SULF2: variants seen among roughly 807,000 people sequenced by gnomAD.
SULF2 encodes sulfatase 2, also known as extracellular sulfatase Sulf-2.
In SULF2, 52 loss-of-function variants were observed where a neutral mutation model predicts 107.7. The observed-to-expected ratio is 0.48, with a 90% CI of 0.39 to 0.61. The LOEUF (loss-of-function observed/expected upper bound fraction) is 0.61, where lower values mean the gene tolerates loss of function less well. Among genes scored for constraint, SULF2 ranks in the 20% least tolerant of loss-of-function variants. SULF2 has a pLI of 0.00. For synonymous variants in SULF2, 460 were observed against 464.3 expected (o/e 0.99, Z 0.12); for missense variants, 993 against 1,177.3 (o/e 0.84, Z 2.29).
At chr20:47,703,437 T>A (rs956960975) in intron 3 of SULF2, among the ~76,000 whole-genome samples, 1 of 152,176 alleles carries the variant, frequency 6.6e-6, no homozygotes, top group Non-Finnish European at 1.5e-5. Context: ...TTTTTTCCCA[T>A]TGAAGTTTGT....
intron 11 of SULF2, among the ~76,000 whole-genome samples, chr20:47,667,132 T>C (rs1486073359): frequency 1.3e-5 from 2 of 152,204 alleles, no homozygotes; most frequent in Non-Finnish European, 2.9e-5. Context: ...TTTGATGTTA[T>C]CTGAACTTCA....
chr20:47,746,497 G>C (rs2090038452), intron 2 of SULF2, among the ~76,000 whole-genome samples: 1 of 152,218 alleles, frequency 6.6e-6, no homozygotes, highest in South Asian at 2.1e-4. Flanking sequence ...GGATCAGCTT[G>C]TGAGCTCCCT....
At chr20:47,769,047 ATT>A (rs3092113) in intron 1 of SULF2, among the ~76,000 whole-genome samples, 4 of 148,868 alleles carry the variant, frequency 2.7e-5, no homozygotes, top group Admixed American at 6.7e-5. Context: ...TGCCTGCCTC[ATT>A]TTTTTTTTGA....
At chr20:47,730,181 AGGCTCCAACT>A (rs2089556106) in intron 3 of SULF2, among the ~76,000 whole-genome samples, 1 of 152,210 alleles carries the variant, frequency 6.6e-6, no homozygotes, top group Non-Finnish European at 1.5e-5. Context: ...ACCCCAAAAC[AGGCTCCAACT>A]GAGAGCCCTG....
intron 1 of SULF2, among the ~76,000 whole-genome samples, chr20:47,782,305 C>A (rs193221769): frequency 6.6e-6 from 1 of 152,348 alleles, no homozygotes; most frequent in Non-Finnish European, 1.5e-5. Flanking sequence ...CTAGCAACCA[C>A]CCCAATTAGG....
intron 11 of SULF2, among the ~76,000 whole-genome samples, chr20:47,669,406 G>GC (rs1211376578): frequency 6.6e-6 from 1 of 152,168 alleles, no homozygotes; most frequent in Non-Finnish European, 1.5e-5. Context: ...CCTGTGCGTT[G>GC]CAAGATGTTT....
In SULF2 at chr20:47,685,329, A is replaced by G. The variant is rs374812053; in HGVS notation, c.738-748T>C. ...CAACCTCCACCTCCCAGTATGAGTG[A>G]TTCTCCCGCCTCAGCCTCCCAAGTA... On this transcript the variant is annotated intron_variant, in intron 5 of 20. Transcript: ENST00000688720. 37 of 151,838 alleles carry G rather than the reference A, an allele frequency of 2.4e-4. 1 individual carries two copies. Among genetic ancestry groups the G allele is most frequent in the African/African-American group, 7.7e-4 (32 of 41,330 alleles). 9.4% of individuals were successfully genotyped at this position (151,838 alleles called of 1,614,324 possible). A position where few individuals can be genotyped will look rare whatever the true frequency, so the allele number is the denominator to read the frequency against.
chr20:47,663,463 AG>A lies in SULF2; in HGVS notation c.2216del (p.Pro739LeufsTer22). On this transcript the variant is annotated frameshift_variant, in exon 16 of 21. Transcript: ENST00000688720. LOFTEE classifies it high-confidence loss of function. ...THDNQHWQTA[P>X]FWTLGPFCAC... ...CCTGGGCTTGCTCACGTGTCCAGAA[AG>A]GCGCCGTCTGCCAGTGCTGGTTGTC... The A allele has an allele frequency of 6.2e-7, 1 of 1,609,014 alleles. No individual in the cohort carries two copies. The highest frequency in any genetic ancestry group is 8.5e-7 in the Non-Finnish European group (1 of 1,179,992).
In SULF2 at chr20:47,690,209, C is replaced by T. The variant is rs139603157; in HGVS notation, c.654G>A (p.Met218Ile). 1.4e-4 allele frequency: 220 copies of T among 1,574,554 alleles called. No individual in the cohort carries two copies. The highest frequency in any genetic ancestry group is 1.8e-4 in the Non-Finnish European group (204 of 1,157,300). ...CGTGGGGGGCTGCATGGCTGATGAC[C>T]ATGAGGACTGGCCTGTGCGGGTACA... ...KKMYPHRPVL[M>I]VISHAAPHGP... Residue 218 changes from methionine (M) to isoleucine (I), a missense_variant, in exon 5 of 21, where the codon ATG becomes ATA. Around this residue, in one of 3 missense-constraint regions of SULF2, gnomAD observed 388 missense variants for 449.2 expected, o/e 0.86. Transcript: ENST00000688720.
chr20:47,693,858 C>T (rs2088285976), intron 4 of SULF2, among the ~76,000 whole-genome samples: 1 of 152,134 alleles, frequency 6.6e-6, no homozygotes, highest in South Asian at 2.1e-4. Context: ...CAGTACCTGC[C>T]TCTTGAGGCT....
At position 47,739,822 on chromosome 20, in the gene SULF2, A is replaced by G. The variant is rs62201715; in HGVS notation, c.176-2880T>C. 3.9e-5 allele frequency among the ~76,000 whole-genome samples: 6 copies of G among 152,300 alleles called. No homozygotes were observed. The East Asian group carries it at 9.6e-4, about 24-fold the overall frequency. On this transcript the variant is annotated intron_variant, in intron 2 of 20. Transcript: ENST00000688720. ...AATACTATCTTACACTCGGGTTTTC[A>G]TATCTCAGGAATCCAAACCAGTTGG...
rs555528456 is a variant in SULF2, at chr20:47,658,047, T to C, written c.*315A>G. ...AAATTTCCAAGGAAATCTCTCTCGC[T>C]CGCTCTCTCCGTTTTCCTTTGTGAG... On this transcript the variant is annotated 3_prime_UTR_variant, in exon 21 of 21. Transcript: ENST00000688720. The C allele has an allele frequency of 3.6e-5, 14 of 394,220 alleles. No homozygotes were observed. The highest frequency in any genetic ancestry group is 6.0e-5 in the Non-Finnish European group (13 of 218,352). 24.4% of individuals were successfully genotyped at this position (394,220 alleles called of 1,614,324 possible).
Position 47,780,006 on chromosome 20 carries a change from C to T in SULF2, c.-101+5337G>A, listed in dbSNP as rs896354897. Among the ~76,000 whole-genome samples the T allele has an allele frequency of 7.4e-5, 11 of 149,128 alleles. No individual in the cohort carries two copies. In the South Asian group the frequency reaches 2.4e-3, roughly 32 times the overall value. On this transcript the variant is annotated intron_variant, in intron 1 of 20. Transcript: ENST00000688720. ...CCCCCACTTACTCCTGACCCTCTAC[C>T]CTAGTTGACTTTTTTTTTTTTTTTT...
chr20:47,771,151 A>G (rs6090728), intron 1 of SULF2, among the ~76,000 whole-genome samples: 47,894 of 152,072 alleles, frequency 0.31, 8,638 homozygotes, highest in African/African-American at 0.5. Flanking sequence ...GTGAAACCCG[A>G]TCTGATCCCT....
At chr20:47,659,130 A>T (rs2146368984) in intron 20 of SULF2, among the ~76,000 whole-genome samples, 1 of 152,320 alleles carries the variant, frequency 6.6e-6, no homozygotes, top group Non-Finnish European at 1.5e-5. Context: ...TAATATTTAA[A>T]TGCTTCTCAA....
intron 3 of SULF2, among the ~76,000 whole-genome samples, chr20:47,711,823 C>T (rs1423596150): frequency 6.6e-6 from 1 of 152,150 alleles, no homozygotes; most frequent in Non-Finnish European, 1.5e-5. Flanking sequence ...TATACACAAG[C>T]ACAAATACAC....
At chr20:47,677,019 C>A in intron 9 of SULF2, 59 bp downstream of exon 9, 1 of 1,588,408 alleles carries the variant, frequency 6.3e-7, no homozygotes, top group South Asian at 1.1e-5. Flanking sequence ...GCTACAGAAG[C>A]TTCCTGGGCA....
At chr20:47,662,007 G>A in intron 17 of SULF2, 111 bp from the exon 18 acceptor site, 1 of 1,196,608 alleles carries the variant, frequency 8.4e-7, no homozygotes, top group South Asian at 2.7e-5. Context: ...AAGGTGCTAG[G>A]GGCTGGTGAC....
chr20:47,665,354 C>T, intron 13 of SULF2, 61 bp from the exon 14 acceptor site: 3 of 1,109,328 alleles, frequency 2.7e-6, no homozygotes, highest in Non-Finnish European at 4.2e-6. Context: ...AAAGACTTGG[C>T]CTGGTGACTG....
Sources: gnomAD v4.1 joint callset for allele counts (sites outside exome capture counted in the v4.1 genomes callset) on GRCh38, gnomAD v4.1.1 for gene constraint, gnomAD v4.1.1 regional missense constraint, MANE v1.5 for transcripts, NCBI Gene and HGNC (gene_info 2026-07-23, HGNC 2026-07-21) for gene names.